Variants in TMPRSS11E observed in about 807,000 individuals in gnomAD.
The protein encoded by TMPRSS11E is transmembrane serine protease 11E, also known as transmembrane protease serine 11E.
Under a neutral mutation model 48.1 loss-of-function variants are expected in TMPRSS11E, and 38 were observed. The observed-to-expected ratio is 0.79, with a 90% confidence interval of 0.61 to 1.04. The LOEUF is 1.04. TMPRSS11E is among the 50% of genes least tolerant of loss of function. The probability of loss-of-function intolerance (pLI) is 0.00; values close to 1 mark genes in which losing one functional copy is unlikely to be tolerated. For synonymous variants in TMPRSS11E, 158 were observed against 171.9 expected (o/e 0.92, Z 0.63); for missense variants, 530 against 510.8 (o/e 1.04, Z -0.36).
intron 9 of TMPRSS11E, among the ~76,000 whole-genome samples, chr4:68,483,439 C>T (rs1281718085): frequency 6.6e-6 from 1 of 152,182 alleles, no homozygotes; most frequent in Admixed American, 6.6e-5. Flanking sequence ...AATATTCAAA[C>T]TGTATCTATG....
chr4:68,477,698 C>T, intron 8 of TMPRSS11E, 70 bp downstream of exon 8: 3 of 1,554,676 alleles, frequency 1.9e-6, no homozygotes, highest in South Asian at 2.4e-5. Flanking sequence ...AATGAAATGC[C>T]ATTATGCCAA....
At chr4:68,474,576 A>T (rs1442412086) in intron 5 of TMPRSS11E, 147 bp from the exon 6 acceptor site, 2 of 748,124 alleles carry the variant, frequency 2.7e-6, no homozygotes, top group African/African-American at 3.7e-5. Flanking sequence ...TGATCATCCT[A>T]TGTCTATGAC....
intron 1 of TMPRSS11E, among the ~76,000 whole-genome samples, chr4:68,455,252 T>C (rs985730413): frequency 1.6e-4 from 25 of 152,084 alleles, no homozygotes; most frequent in African/African-American, 4.6e-4. Flanking sequence ...GTTTAACAAA[T>C]GCTGAATTTT....
chr4:68,478,592 T>C (rs2109701119), intron 8 of TMPRSS11E, among the ~76,000 whole-genome samples: 1 of 150,404 alleles, frequency 6.6e-6, no homozygotes, highest in East Asian at 2.0e-4. Flanking sequence ...ATAGCTGGGA[T>C]TACAGGTGCA....
At chr4:68,460,171 C>T (rs959203528) in intron 1 of TMPRSS11E, among the ~76,000 whole-genome samples, 1 of 152,054 alleles carries the variant, frequency 6.6e-6, no homozygotes. Context: ...GTCCCTTTCC[C>T]AGGGACAGGA....
At chr4:68,462,235 G>A (rs1728810233) in intron 2 of TMPRSS11E, among the ~76,000 whole-genome samples, 1 of 152,032 alleles carries the variant, frequency 6.6e-6, no homozygotes, top group Non-Finnish European at 1.5e-5. Flanking sequence ...AGGATAGCTA[G>A]AACCAATGTC....
intron 1 of TMPRSS11E, among the ~76,000 whole-genome samples, chr4:68,453,646 A>G (rs956782012): frequency 6.6e-6 from 1 of 151,972 alleles, no homozygotes; most frequent in Non-Finnish European, 1.5e-5. Context: ...AAAGATCATT[A>G]TGTGAAAGTG....
At chr4:68,451,439 C>T (rs959063064) in intron 1 of TMPRSS11E, among the ~76,000 whole-genome samples, 9 of 151,864 alleles carry the variant, frequency 5.9e-5, no homozygotes, top group Admixed American at 4.6e-4. Context: ...CCCATGTACA[C>T]ACATGGCCTG....
chr4:68,450,600 T>TA (rs988632432), intron 1 of TMPRSS11E, among the ~76,000 whole-genome samples: 1 of 151,906 alleles, frequency 6.6e-6, no homozygotes, highest in Non-Finnish European at 1.5e-5. Flanking sequence ...TGCATAGATT[T>TA]AAAAAACCAG....
At chr4:68,489,780 C>A (rs948369658) in intron 9 of TMPRSS11E, among the ~76,000 whole-genome samples, 3 of 152,256 alleles carry the variant, frequency 2.0e-5, no homozygotes, top group Non-Finnish European at 2.9e-5. Context: ...GGCCAGCAGA[C>A]AAGCGAGTGC....
Position 68,477,508 on chromosome 4 carries a change from C to A in TMPRSS11E, c.847C>A (p.Leu283Ile). The A allele has an allele frequency of 1.2e-6, 2 of 1,614,054 alleles. No individual in the cohort carries two copies. The highest frequency in any genetic ancestry group is 8.5e-7 in the Non-Finnish European group (1 of 1,179,990). Residue 283 changes from leucine to isoleucine, a missense_variant, in exon 8 of 10, where the codon CTT (leucine) becomes ATT (isoleucine). Leu to Ile is a conservative substitution (Grantham distance 5). Coordinates refer to ENST00000305363, the MANE Select transcript of TMPRSS11E (RefSeq NM_014058.4). ...SHDYDISLAE[L>I]SSPVPYTNAV... ...TGACTATGATATTTCTCTTGCAGAG[C>A]TTTCTAGCCCTGTTCCCTACACAAA...
intron 9 of TMPRSS11E, among the ~76,000 whole-genome samples, chr4:68,495,100 TC>T (rs1729830206): frequency 6.6e-6 from 1 of 152,174 alleles, no homozygotes; most frequent in Non-Finnish European, 1.5e-5. Flanking sequence ...CATCATAATT[TC>T]CATCTTCTAC....
chr4:68,447,501 T>C lies in TMPRSS11E; in HGVS notation c.-12T>C, dbSNP rs555831206. 7.2e-5 allele frequency: 116 copies of C among 1,610,004 alleles called. 4 individuals carry two copies. The South Asian group carries it at 1.2e-3, about 17-fold the overall frequency. On this transcript the variant is annotated 5_prime_UTR_variant, in exon 1 of 10. Coordinates refer to ENST00000305363, the MANE Select transcript of TMPRSS11E (RefSeq NM_014058.4). ...CCTCGACCTTCACAGGACTCTTCAT[T>C]GCTGGTTGGCAATGATGTATCGGTG...
At chr4:68,491,299 C>CAAAAAAAAAAAAAAAAAAAAAAAAAAAA (rs752361546) in intron 9 of TMPRSS11E, among the ~76,000 whole-genome samples, 1 of 92,056 alleles carries the variant, frequency 1.1e-5, no homozygotes, top group Non-Finnish European at 2.0e-5. Context: ...ATATATGAAG[C>CAAAAAAAAAAAAAAAAAAAAAAAAAAAA]AAAAAAAAAA....
At chr4:68,494,420 G>C (rs2109727275) in intron 9 of TMPRSS11E, among the ~76,000 whole-genome samples, 1 of 152,132 alleles carries the variant, frequency 6.6e-6, no homozygotes, top group East Asian at 1.9e-4. Flanking sequence ...CATGTATTCA[G>C]TTAAGTCCTA....
Position 68,471,334 on chromosome 4 carries a change from C to A in TMPRSS11E, c.327-126C>A, listed in dbSNP as rs1729059672. On this transcript the variant is annotated intron_variant, in intron 4 of 9. Coordinates refer to ENST00000305363, the MANE Select transcript of TMPRSS11E (RefSeq NM_014058.4). ...CTTTCCCTTCTCCTTCCTTCCTTTTCTCTTTTCTTTCTTTCCTCCCTCCCT... is the reference window on the plus strand; with the variant it reads ...CTTTCCCTTCTCCTTCCTTCCTTTTATCTTTTCTTTCTTTCCTCCCTCCCT... 6.7e-6 allele frequency: 4 copies of A among 596,244 alleles called. 1 individual carries two copies. In the South Asian group the frequency reaches 2.3e-4, roughly 34 times the overall value. The allele number at this position is 596,244 out of a possible 1,614,324, so 36.9% of individuals were successfully genotyped here. A position where few individuals can be genotyped will look rare whatever the true frequency, so the allele number is the denominator to read the frequency against.
rs913865687 is a variant in TMPRSS11E at position 68,476,360 on chromosome 4, A to G, written c.629A>G (p.Gln210Arg). Residue 210 changes from glutamine (Q) to arginine (R), a missense_variant, in exon 7 of 10, where the codon CAG (glutamine) becomes CGG (arginine). Coordinates refer to ENST00000305363, the MANE Select transcript of TMPRSS11E (RefSeq NM_014058.4). ...GAATGGCCCTGGCAGGCTAGCCTGC[A>G]GTGGGATGGGAGTCATCGCTGTGGA... ...EGEWPWQASL[Q>R]WDGSHRCGAT... 4 of 1,614,054 alleles carry G rather than the reference A, an allele frequency of 2.5e-6. No homozygotes were observed. Among genetic ancestry groups the G allele is most frequent in the Admixed American group, 3.3e-5 (2 of 60,004 alleles).
chr4:68,449,933 G>A (rs984220961), intron 1 of TMPRSS11E, among the ~76,000 whole-genome samples: 2 of 151,830 alleles, frequency 1.3e-5, no homozygotes, highest in African/African-American at 4.8e-5. Context: ...TTTCAGAAAG[G>A]AGGGGAAACT....
intron 9 of TMPRSS11E, among the ~76,000 whole-genome samples, chr4:68,490,751 CTTTTTTTTTTTTTTTTT>C (rs1158277585): frequency 2.9e-5 from 2 of 69,328 alleles, no homozygotes; most frequent in Non-Finnish European, 5.0e-5. Context: ...TCAGCATATT[CTTTTTTTTTTTTTTTTT>C]TTTTTTTTTG....
Sources: allele counts gnomAD v4.1 joint callset (sites outside exome capture counted in the v4.1 genomes callset), GRCh38; gene constraint gnomAD v4.1.1; transcripts MANE v1.5; gene names NCBI Gene and HGNC (gene_info 2026-07-23, HGNC 2026-07-21).